Variants in KIF16B observed in about 807,000 individuals in gnomAD.
The protein encoded by KIF16B is kinesin-like protein KIF16B.
KIF16B carries 98 observed loss-of-function variants against 156.3 expected under a neutral mutation model. That is an observed-to-expected ratio of 0.63 (90% CI 0.53 to 0.74). The LOEUF (loss-of-function observed/expected upper bound fraction) is 0.74. Among genes scored for constraint, KIF16B ranks in the 30% least tolerant of loss-of-function variants. The pLI, the probability that KIF16B is intolerant of heterozygous loss-of-function variation, is 0.00. For missense variants in KIF16B, 1,421 were observed against 1,606.5 expected, an observed-to-expected ratio of 0.88 and a Z score of 1.97; for synonymous variants, 564 against 583.7, an observed-to-expected ratio of 0.97 and a Z score of 0.49.
chr20:16,365,950 C>T (rs12479724), intron 22 of KIF16B, among the ~76,000 whole-genome samples: 19,960 of 152,130 alleles, frequency 0.13, 1,505 homozygotes, highest in East Asian at 0.29. Context: ...CGTCTCCTTC[C>T]TTCTGAGAAC....
intron 22 of KIF16B, among the ~76,000 whole-genome samples, chr20:16,357,442 C>T (rs868035308): frequency 6.6e-6 from 1 of 152,166 alleles, no homozygotes; most frequent in Non-Finnish European, 1.5e-5. Flanking sequence ...CTAGAGCCCA[C>T]TTTCATCACA....
chr20:16,281,803 GCT>G (rs892435444), intron 25 of KIF16B, among the ~76,000 whole-genome samples: 3 of 152,176 alleles, frequency 2.0e-5, no homozygotes, highest in African/African-American at 7.2e-5. Flanking sequence ...ACAGGTGCAT[GCT>G]GGCTGGCACC....
rs746257532 is a variant in KIF16B, at chr20:16,380,130, T to G, written c.1872A>C (p.Lys624Asn). 2 of 1,514,036 alleles carry G rather than the reference T, an allele frequency of 1.3e-6. No homozygotes were observed. Among genetic ancestry groups the G allele is most frequent in the Admixed American group, 2.4e-5 (1 of 42,486 alleles). 93.8% of individuals were successfully genotyped at this position (1,514,036 alleles called of 1,614,324 possible). The change falls in exon 19 of 26, where the codon AAA (lysine) becomes AAC (asparagine). Residue 624 changes from lysine to asparagine, a missense_variant. Lys to Asn is a moderately conservative substitution (Grantham distance 94). Coordinates refer to ENST00000354981, the MANE Select transcript of KIF16B (RefSeq NM_024704.5). ...TCCGCTCCAGTTCAGCCTTGTCTGA[T>G]TTCTGCTTTTCCTCCATTTCTTCTA... ...KLIEEMEEKQ[K>N]SDKAELERMQ...
In KIF16B at chr20:16,409,966, T is replaced by C. The variant is rs1324848378; in HGVS notation, c.1613-3510A>G. Among the ~76,000 whole-genome samples, 6 of 30,132 alleles carry C rather than the reference T, an allele frequency of 2.0e-4. No individual in the cohort carries two copies. In the East Asian group the frequency reaches 4.5e-3, roughly 23 times the overall value. 19.8% of individuals were successfully genotyped at this position (30,132 alleles called of 152,430 possible). On this transcript the variant is annotated intron_variant, in intron 15 of 25. Coordinates refer to ENST00000354981, the MANE Select transcript of KIF16B (RefSeq NM_024704.5). ...TTACCTACATATATATATATATATA[T>C]ATACATATATATATATATATATATA...
At chr20:16,531,551 A>G (rs1306095071) in intron 1 of KIF16B, among the ~76,000 whole-genome samples, 1 of 152,138 alleles carries the variant, frequency 6.6e-6, no homozygotes. Flanking sequence ...CCTCCCAGGG[A>G]TGGCCTGACT....
intron 12 of KIF16B, among the ~76,000 whole-genome samples, chr20:16,457,021 T>C (rs572190576): frequency 6.6e-6 from 1 of 152,290 alleles, no homozygotes; most frequent in Admixed American, 6.5e-5. Context: ...CTTTCCCTCC[T>C]CCTTTTCTCC....
chr20:16,481,128 G>T (rs117508629), intron 12 of KIF16B, among the ~76,000 whole-genome samples: 1 of 152,258 alleles, frequency 6.6e-6, no homozygotes, highest in East Asian at 1.9e-4. Context: ...CTCCTTTCAC[G>T]TGTCTGCGGT....
intron 1 of KIF16B, among the ~76,000 whole-genome samples, chr20:16,550,255 C>G (rs1204742260): frequency 6.7e-6 from 1 of 149,250 alleles, no homozygotes; most frequent in Non-Finnish European, 1.5e-5. Context: ...AAATGCTCAT[C>G]ATCACTGGCC....
intron 25 of KIF16B, among the ~76,000 whole-genome samples, chr20:16,284,880 C>T (rs1225661409): frequency 2.0e-5 from 3 of 152,186 alleles, no homozygotes; most frequent in East Asian, 1.9e-4. Flanking sequence ...GGAACACCCA[C>T]GGTCCAGGCC....
chr20:16,466,616 C>T (rs895931878), intron 12 of KIF16B, among the ~76,000 whole-genome samples: 34 of 152,178 alleles, frequency 2.2e-4, no homozygotes, highest in African/African-American at 7.7e-4. Flanking sequence ...CCTTCTGCCA[C>T]GATTGTGAGG....
At chr20:16,275,397 C>G (rs1390555418) in intron 25 of KIF16B, among the ~76,000 whole-genome samples, 1 of 152,144 alleles carries the variant, frequency 6.6e-6, no homozygotes, top group Non-Finnish European at 1.5e-5. Flanking sequence ...TTCATGAGTG[C>G]TGACCCATGT....
chr20:16,368,131 T>C, intron 22 of KIF16B: 1 of 1,191,902 alleles, frequency 8.4e-7, no homozygotes, highest in Non-Finnish European at 1.0e-6. Flanking sequence ...ACAAGTCACA[T>C]GCCTAAGAAG....
At position 16,379,285 on chromosome 20, in the gene KIF16B, T is replaced by C; in HGVS notation, c.2717A>G (p.Glu906Gly). Residue 906 changes from glutamate (E) to glycine (G), a missense_variant, in exon 19 of 26, where the codon GAA becomes GGA. Transcript: ENST00000354981. ...CTGCAGGAGGTACTGTAGCTGGCGT[T>C]CTTTATATTGCAGCCTGTACTCCAC... Reference protein sequence around the residue: ...KPVEYRLQYKERQLQYLLQNH... With the variant: ...KPVEYRLQYKGRQLQYLLQNH... The C allele has an allele frequency of 6.2e-7, 1 of 1,613,752 alleles. No homozygotes were observed. Among genetic ancestry groups the C allele is most frequent in the African/African-American group, 1.3e-5 (1 of 75,034 alleles).
chr20:16,358,625 C>T (rs976739400), intron 22 of KIF16B, among the ~76,000 whole-genome samples: 8 of 152,172 alleles, frequency 5.3e-5, no homozygotes, highest in Admixed American at 1.3e-4. Flanking sequence ...CAACTATGAA[C>T]GCAATGGTAC....
At chr20:16,523,821 C>T (rs1035390807) in intron 3 of KIF16B, among the ~76,000 whole-genome samples, 1 of 152,144 alleles carries the variant, frequency 6.6e-6, no homozygotes, top group African/African-American at 2.4e-5. Context: ...CAGCATGGTA[C>T]TGATATCAAA....
chr20:16,386,131 G>T (rs2065224332), intron 17 of KIF16B, among the ~76,000 whole-genome samples: 1 of 152,140 alleles, frequency 6.6e-6, no homozygotes, highest in African/African-American at 2.4e-5. Context: ...AAGAACTGAA[G>T]CCCCAAGAGT....
At chr20:16,428,858 C>A in intron 14 of KIF16B, 95 bp downstream of exon 14, 1 of 980,500 alleles carries the variant, frequency 1.0e-6, no homozygotes. Flanking sequence ...ATTTAATTTT[C>A]TATAATTACT....
chr20:16,364,958 C>T (rs1417194666), intron 22 of KIF16B, among the ~76,000 whole-genome samples: 1 of 152,186 alleles, frequency 6.6e-6, no homozygotes, highest in Non-Finnish European at 1.5e-5. Flanking sequence ...TGTACCTGTG[C>T]GAATAAGCAC....
At chr20:16,277,284 G>A (rs536573756) in intron 25 of KIF16B, among the ~76,000 whole-genome samples, 3 of 152,138 alleles carry the variant, frequency 2.0e-5, no homozygotes, top group South Asian at 2.1e-4. Flanking sequence ...GTTGGTCACC[G>A]CTTTGGTCCT....
Sources: gnomAD v4.1 joint callset for allele counts (sites outside exome capture counted in the v4.1 genomes callset) on GRCh38, gnomAD v4.1.1 for gene constraint, MANE v1.5 for transcripts, NCBI Gene and HGNC (gene_info 2026-07-23, HGNC 2026-07-21) for gene names.